RXFP1: variants seen among roughly 807,000 people sequenced by gnomAD.
RXFP1 encodes the protein relaxin receptor 1.
A neutral mutation model predicts 89.8 loss-of-function variants in RXFP1; 73 were observed. The ratio of observed to expected loss-of-function variants is 0.81; its 90% CI spans 0.67 to 0.99. The LOEUF is 0.99. RXFP1 is among the 50% of genes least tolerant of loss of function. RXFP1 has a pLI of 0.00. For synonymous variants in RXFP1, 277 were observed against 305.5 expected (o/e 0.91, Z 0.97); for missense variants, 793 against 895.5 (o/e 0.89, Z 1.46).
intron 2 of RXFP1, among the ~76,000 whole-genome samples, chr4:158,583,552 G>A (rs1377698869): frequency 6.6e-6 from 1 of 152,162 alleles, no homozygotes; most frequent in Non-Finnish European, 1.5e-5. Context: ...GAAAAGTGAT[G>A]TGTCATAAAT....
At chr4:158,551,435 A>T (rs901386808) in intron 1 of RXFP1, among the ~76,000 whole-genome samples, 4 of 152,232 alleles carry the variant, frequency 2.6e-5, no homozygotes, top group African/African-American at 9.6e-5. Context: ...GTCGTACAGC[A>T]TGGTGACTAT....
At chr4:158,557,743 A>G (rs1336490166) in intron 1 of RXFP1, among the ~76,000 whole-genome samples, 2 of 152,262 alleles carry the variant, frequency 1.3e-5, no homozygotes, top group Non-Finnish European at 2.9e-5. Flanking sequence ...AAGTATCACT[A>G]AAAGCGAGAT....
intron 1 of RXFP1, among the ~76,000 whole-genome samples, chr4:158,572,152 A>C (rs1260584947): frequency 6.6e-6 from 1 of 152,186 alleles, no homozygotes; most frequent in Non-Finnish European, 1.5e-5. Flanking sequence ...CTCTTGGGCC[A>C]CCGGCTTTCT....
In RXFP1 at chr4:158,542,109, A is replaced by ATATTTTTTTT; in HGVS notation, c.49+20085_49+20086insATTTTTTTTT. ...TATATATATATATATATATATATAT[A>ATATTTTTTTT]TTTTTTTTTTAGTAGAGACAGGGTT... On this transcript the variant is annotated intron_variant, in intron 1 of 17. Transcript: ENST00000307765. Among the ~76,000 whole-genome samples, 192 of 35,206 alleles carry ATATTTTTTTT rather than the reference A, an allele frequency of 5.5e-3. 7 individuals carry two copies. The highest frequency in any genetic ancestry group is 9.0e-3 in the Non-Finnish European group (161 of 17,984). The allele number at this position is 35,206 out of a possible 152,430, so 23.1% of individuals were successfully genotyped here. A position where few individuals can be genotyped will look rare whatever the true frequency, so the allele number is the denominator to read the frequency against.
At chr4:158,605,164 AT>A in intron 5 of RXFP1, 25 bp downstream of exon 5, 1 of 1,436,736 alleles carries the variant, frequency 7.0e-7, no homozygotes, top group Non-Finnish European at 9.7e-7. Context: ...AATTCCTGGT[AT>A]TACAATTAAC....
rs902093957 is a variant in RXFP1, at chr4:158,525,040, A to AT, written c.49+3021dup. 7.2e-5 allele frequency among the ~76,000 whole-genome samples: 11 copies of AT among 152,236 alleles called. No individual in the cohort carries two copies. In the South Asian group the frequency reaches 8.3e-4, roughly 11 times the overall value. ...CCAGCACTGGCATAACTTGTAACAGATTTTTTCTGTAACTATGAAGAAGAG... is the reference window on the plus strand; with the variant it reads ...CCAGCACTGGCATAACTTGTAACAGATTTTTTTCTGTAACTATGAAGAAGAG... On this transcript the variant is annotated intron_variant, in intron 1 of 17. Transcript: ENST00000307765.
chr4:158,544,314 A>T, intron 1 of RXFP1: 1 of 985,394 alleles, frequency 1.0e-6, no homozygotes, highest in Non-Finnish European at 1.2e-6. Context: ...CAACAAAAAC[A>T]TAAAACACTC....
intron 1 of RXFP1, among the ~76,000 whole-genome samples, chr4:158,530,661 T>TTG (rs1743803860): frequency 6.6e-6 from 1 of 152,230 alleles, no homozygotes; most frequent in Non-Finnish European, 1.5e-5. Context: ...CCTCCCTTTT[T>TTG]TGTGTTAAGA....
At chr4:158,550,966 A>G (rs562841129) in intron 1 of RXFP1, among the ~76,000 whole-genome samples, 67 of 152,206 alleles carry the variant, frequency 4.4e-4, no homozygotes, top group African/African-American at 1.3e-3. Context: ...AACATATTAA[A>G]TGCTCTAAAA....
intron 5 of RXFP1, chr4:158,607,093 A>T: frequency 1.3e-6 from 2 of 1,536,102 alleles, no homozygotes; most frequent in Middle Eastern, 1.7e-4. Context: ...ACATGAAGGC[A>T]GCCTTGAAAT....
intron 8 of RXFP1, among the ~76,000 whole-genome samples, chr4:158,616,572 T>TA (rs1764616018): frequency 7.9e-6 from 1 of 127,278 alleles, no homozygotes; most frequent in Non-Finnish European, 1.6e-5. Flanking sequence ...TTTTTTTTTT[T>TA]AGTTACTAAC....
At chr4:158,633,260 T>C in intron 11 of RXFP1, 145 bp from the exon 12 acceptor site, 2 of 564,712 alleles carry the variant, frequency 3.5e-6, no homozygotes, top group Middle Eastern at 3.0e-4. Context: ...ACTTTGCTCC[T>C]TTTTTAAATT....
intron 1 of RXFP1, among the ~76,000 whole-genome samples, chr4:158,528,968 G>A (rs754978674): frequency 1.3e-5 from 2 of 152,222 alleles, no homozygotes; most frequent in African/African-American, 2.4e-5. Flanking sequence ...GGCGGACAGT[G>A]GAGGCCCTGG....
chr4:158,598,203 T>A (rs1009570140), intron 3 of RXFP1, among the ~76,000 whole-genome samples: 3 of 152,202 alleles, frequency 2.0e-5, no homozygotes, highest in Non-Finnish European at 4.4e-5. Flanking sequence ...GTTTTGTTTG[T>A]CCAATAATAT....
chr4:158,559,032 A>C (rs1383362658), intron 1 of RXFP1, among the ~76,000 whole-genome samples: 1 of 152,252 alleles, frequency 6.6e-6, no homozygotes, highest in Non-Finnish European at 1.5e-5. Context: ...AAAAAGGTTA[A>C]TCTGGTTGCA....
At chr4:158,611,770 C>T (rs1763631514) in intron 6 of RXFP1, among the ~76,000 whole-genome samples, 1 of 152,194 alleles carries the variant, frequency 6.6e-6, no homozygotes, top group South Asian at 2.1e-4. Context: ...GCATTATATA[C>T]TTCCCTCTGC....
At chr4:158,622,179 C>T (rs1765751540) in intron 9 of RXFP1, among the ~76,000 whole-genome samples, 1 of 152,046 alleles carries the variant, frequency 6.6e-6, no homozygotes, top group Admixed American at 6.6e-5. Context: ...GGCATGGTGG[C>T]AGGCACCTGT....
At chr4:158,617,075 C>A in intron 8 of RXFP1, 56 bp from the exon 9 acceptor site, 1 of 1,184,192 alleles carries the variant, frequency 8.4e-7, no homozygotes, top group Non-Finnish European at 1.2e-6. Context: ...CCATGTTTGA[C>A]CCAAGATGAG....
intron 9 of RXFP1, among the ~76,000 whole-genome samples, chr4:158,626,111 TATAGATAGATAGATAG>T (rs71587463): frequency 0.023 from 3,103 of 136,662 alleles, 55 homozygotes; most frequent in Middle Eastern, 0.041. Flanking sequence ...TAGATATCTA[TATAGATAGATAGATAG>T]ATAGATAGAT....
Sources: gnomAD v4.1 joint callset for allele counts (sites outside exome capture counted in the v4.1 genomes callset) on GRCh38, gnomAD v4.1.1 for gene constraint, MANE v1.5 for transcripts, NCBI Gene and HGNC (gene_info 2026-07-23, HGNC 2026-07-21) for gene names.